The following CADM1 variants were observed in gnomAD, a reference collection of about 807,000 sequenced individuals.
CADM1 encodes cell adhesion molecule 1.
Under a neutral mutation model 53.1 loss-of-function variants are expected in CADM1, and 15 were observed. The ratio of observed to expected loss-of-function variants is 0.28; its 90% CI spans 0.19 to 0.44. The LOEUF is 0.44. Ranked by LOEUF, CADM1 falls within the 20% of genes least tolerant of loss-of-function variation. The pLI is 1.00. For synonymous variants in CADM1, 281 were observed against 243.0 expected (o/e 1.16, Z -1.45); for missense variants, 434 against 611.3 (o/e 0.71, Z 3.06).
chr11:115,469,496 A>G (rs1355165803), intron 1 of CADM1, among the ~76,000 whole-genome samples: 2 of 152,200 alleles, frequency 1.3e-5, no homozygotes, highest in Admixed American at 6.5e-5. Flanking sequence ...CTTGTTCCAC[A>G]TAAATAAGCT....
chr11:115,231,234 C>A, intron 4 of CADM1, 119 bp downstream of exon 4: 2 of 1,131,974 alleles, frequency 1.8e-6, no homozygotes, highest in Non-Finnish European at 2.7e-6. Flanking sequence ...TGATTATAAA[C>A]CATATCTAAA....
In CADM1 at chr11:115,169,806, C is replaced by A. The variant is rs756408765; in HGVS notation, c.*6668G>T. 3.0e-5 allele frequency: 9 copies of A among 296,342 alleles called. No individual in the cohort carries two copies. The highest frequency in any genetic ancestry group is 6.1e-5 in the Non-Finnish European group (9 of 147,998). 18.4% of individuals were successfully genotyped at this position (296,342 alleles called of 1,614,324 possible). ...GACTTGCACTTGCCAGCATCCATTG[C>A]AGGTTTAAACGATGAAATACACAAC... is the stretch of plus-strand genomic sequence containing the variant. On this transcript the variant is annotated 3_prime_UTR_variant, in exon 12 of 12. Transcript: ENST00000331581.
intron 1 of CADM1, among the ~76,000 whole-genome samples, chr11:115,275,578 T>C (rs937119337): frequency 1.3e-5 from 2 of 152,206 alleles, no homozygotes; most frequent in African/African-American, 2.4e-5. Flanking sequence ...CAAGATATAA[T>C]TGTTGGCTCT....
At chr11:115,223,377 C>T (rs942626235) in intron 5 of CADM1, among the ~76,000 whole-genome samples, 1 of 152,112 alleles carries the variant, frequency 6.6e-6, no homozygotes, top group African/African-American at 2.4e-5. Context: ...TTTTTAGATG[C>T]CAGCTTCACA....
At chr11:115,308,141 C>CTCTG (rs1448132082) in intron 1 of CADM1, among the ~76,000 whole-genome samples, 4 of 133,444 alleles carry the variant, frequency 3.0e-5, no homozygotes, top group African/African-American at 1.1e-4. Context: ...AACTCTCTCT[C>CTCTG]TGTGTGTGTG....
intron 1 of CADM1, among the ~76,000 whole-genome samples, chr11:115,251,081 T>C (rs1942590052): frequency 6.6e-6 from 1 of 152,338 alleles, no homozygotes; most frequent in Admixed American, 6.5e-5. Context: ...AACCAGCATG[T>C]TCCAATATGT....
chr11:115,450,649 C>G (rs769794496), intron 1 of CADM1, among the ~76,000 whole-genome samples: 5 of 152,150 alleles, frequency 3.3e-5, no homozygotes, highest in Non-Finnish European at 5.9e-5. Flanking sequence ...AATGACATTT[C>G]CAAACAGGAT....
rs1242341764 is a variant in CADM1, at chr11:115,327,856, G to A, written c.125-87436C>T. Among the ~76,000 whole-genome samples the A allele has an allele frequency of 2.6e-5, 4 of 152,240 alleles. 1 individual carries two copies. The highest frequency in any genetic ancestry group is 4.8e-5 in the African/African-American group (2 of 41,538). ...TTGTAAGTACTCAATAAATGTTAGC[G>A]CTTGTCTGTCTTTGGGGTGTCAGAT... On this transcript the variant is annotated intron_variant, in intron 1 of 11. Transcript: ENST00000331581.
At chr11:115,273,219 T>C (rs1943351986) in intron 1 of CADM1, among the ~76,000 whole-genome samples, 1 of 152,230 alleles carries the variant, frequency 6.6e-6, no homozygotes, top group South Asian at 2.1e-4. Context: ...CCAAAATGTC[T>C]AAATGGCTAA....
At chr11:115,405,234 C>T (rs1294263909) in intron 1 of CADM1, among the ~76,000 whole-genome samples, 4 of 152,152 alleles carry the variant, frequency 2.6e-5, no homozygotes, top group African/African-American at 9.7e-5. Flanking sequence ...ATTACAGGTG[C>T]AAGCCAGTGT....
intron 1 of CADM1, among the ~76,000 whole-genome samples, chr11:115,458,976 G>A (rs1435080750): frequency 6.6e-6 from 1 of 152,078 alleles, no homozygotes; most frequent in Non-Finnish European, 1.5e-5. Context: ...TCACAATTCG[G>A]TTAATCACTC....
At chr11:115,460,518 T>A (rs1302992153) in intron 1 of CADM1, among the ~76,000 whole-genome samples, 1 of 152,234 alleles carries the variant, frequency 6.6e-6, no homozygotes, top group Non-Finnish European at 1.5e-5. Flanking sequence ...TGGATTTACA[T>A]AATTTTCTCT....
chr11:115,215,823 T>C (rs765923862), intron 6 of CADM1, among the ~76,000 whole-genome samples: 1 of 152,302 alleles, frequency 6.6e-6, no homozygotes, highest in East Asian at 1.9e-4. Flanking sequence ...AGCACACAAG[T>C]GACTTCCTTC....
chr11:115,176,360 C>T lies in CADM1; in HGVS notation c.*114G>A. 6.3e-7 allele frequency: 1 copy of T among 1,591,980 alleles called. No individual in the cohort carries two copies. The highest frequency in any genetic ancestry group is 2.3e-5 in the East Asian group (1 of 43,360). Reference sequence around the variant, plus strand: ...AATCCCAAGCCTTCCCAGTCTCACACCTTTCCACCCATTCATAAAAAAACA... The same window carrying T: ...AATCCCAAGCCTTCCCAGTCTCACATCTTTCCACCCATTCATAAAAAAACA... On this transcript the variant is annotated 3_prime_UTR_variant, in exon 12 of 12. Coordinates refer to ENST00000331581, the MANE Select transcript of CADM1 (RefSeq NM_001301043.2).
intron 1 of CADM1, among the ~76,000 whole-genome samples, chr11:115,330,102 T>G (rs758887024): frequency 2.6e-5 from 4 of 151,824 alleles, no homozygotes; most frequent in Non-Finnish European, 5.9e-5. Flanking sequence ...AGCCATGGGT[T>G]TCTGGGCTTG....
intron 1 of CADM1, among the ~76,000 whole-genome samples, chr11:115,378,304 T>C (rs1483476407): frequency 6.6e-6 from 1 of 152,152 alleles, no homozygotes; most frequent in Non-Finnish European, 1.5e-5. Flanking sequence ...CGCCACCTTG[T>C]CTGCACCTTG....
chr11:115,234,174 T>C (rs1941928773), intron 3 of CADM1, among the ~76,000 whole-genome samples: 1 of 152,206 alleles, frequency 6.6e-6, no homozygotes, highest in Non-Finnish European at 1.5e-5. Context: ...TGTCTCTGTT[T>C]ACCCCAAGCT....
At chr11:115,501,618 G>A (rs1023402940) in intron 1 of CADM1, among the ~76,000 whole-genome samples, 5 of 152,176 alleles carry the variant, frequency 3.3e-5, no homozygotes, top group African/African-American at 9.7e-5. Context: ...AGAAATGAGA[G>A]GAGATTTTCT....
intron 1 of CADM1, among the ~76,000 whole-genome samples, chr11:115,356,125 C>A (rs1170197543): frequency 3.3e-5 from 5 of 152,122 alleles, no homozygotes. Context: ...GCTACCGCGC[C>A]CGGCTGAGGT....
Sources: gnomAD v4.1 joint callset for allele counts (sites outside exome capture counted in the v4.1 genomes callset) on GRCh38, gnomAD v4.1.1 for gene constraint, MANE v1.5 for transcripts, NCBI Gene and HGNC (gene_info 2026-07-23, HGNC 2026-07-21) for gene names.